TTC13: variants seen among roughly 807,000 people sequenced by gnomAD.
The protein encoded by TTC13 is tetratricopeptide repeat protein 13.
In TTC13, 62 loss-of-function variants were observed where a neutral mutation model predicts 120.0. That is an observed-to-expected ratio of 0.52 (90% confidence interval 0.42 to 0.64). The LOEUF is 0.64. TTC13 is among the 30% of genes least tolerant of loss of function. The pLI, the probability that TTC13 is intolerant of heterozygous loss-of-function variation, is 0.00. For missense variants in TTC13, 824 were observed against 1,050.2 expected, an observed-to-expected ratio of 0.78 and a Z score of 2.98; for synonymous variants, 384 against 393.5, an observed-to-expected ratio of 0.98 and a Z score of 0.28.
intron 6 of TTC13, among the ~76,000 whole-genome samples, chr1:230,941,138 C>T (rs1182219685): frequency 2.0e-5 from 3 of 152,076 alleles, no homozygotes; most frequent in African/African-American, 4.8e-5. Context: ...CTCTTTTGAG[C>T]CAGCAATCAG....
Position 230,924,962 on chromosome 1 carries a change from C to T in TTC13, c.1600G>A (p.Ala534Thr), listed in dbSNP as rs772785204. The change falls in exon 14 of 23, where the codon GCC becomes ACC. Residue 534 changes from alanine (A) to threonine (T), a missense_variant. Transcript: ENST00000366661. ...NKRIHRAMGLAALEVMQAVQR... is the reference protein window; with the variant it reads ...NKRIHRAMGLTALEVMQAVQR... ...ACGGCTTGCATGACCTCCAATGCGG[C>T]CAAACCCATAGCTACGAGAAAGGAA... is the stretch of plus-strand genomic sequence containing the variant. 7 of 1,614,008 alleles carry T rather than the reference C, an allele frequency of 4.3e-6. No homozygotes were observed. Among genetic ancestry groups the T allele is most frequent in the Non-Finnish European group, 5.1e-6 (6 of 1,180,018 alleles).
At chr1:230,934,760 C>T (rs1673885410) in intron 8 of TTC13, among the ~76,000 whole-genome samples, 2 of 152,214 alleles carry the variant, frequency 1.3e-5, no homozygotes, top group Admixed American at 1.3e-4. Flanking sequence ...GCATCATGAT[C>T]TCTAATCGCT....
At chr1:230,929,721 C>T (rs1377221675) in intron 11 of TTC13, among the ~76,000 whole-genome samples, 1 of 152,186 alleles carries the variant, frequency 6.6e-6, no homozygotes, top group East Asian at 1.9e-4. Flanking sequence ...GAGCCTGGTA[C>T]TCTGTCAACT....
intron 1 of TTC13, among the ~76,000 whole-genome samples, chr1:230,977,507 G>GT (rs1678440123): frequency 1.3e-5 from 2 of 152,128 alleles, no homozygotes. Context: ...AAACCTCTCA[G>GT]TGAGTGACAC....
intron 11 of TTC13, among the ~76,000 whole-genome samples, chr1:230,929,351 C>G (rs1409359527): frequency 1.4e-5 from 2 of 145,574 alleles, no homozygotes; most frequent in Non-Finnish European, 3.0e-5. Flanking sequence ...GAGTCTTGCT[C>G]CAGCCCAGGC....
chr1:230,957,738 A>T (rs1409136999), intron 3 of TTC13, among the ~76,000 whole-genome samples: 1 of 151,962 alleles, frequency 6.6e-6, no homozygotes, highest in Non-Finnish European at 1.5e-5. Flanking sequence ...TGAACACACC[A>T]AACTATGTGA....
At chr1:230,959,933 T>A (rs1676466529) in intron 2 of TTC13, among the ~76,000 whole-genome samples, 1 of 152,242 alleles carries the variant, frequency 6.6e-6, no homozygotes, top group African/African-American at 2.4e-5. Flanking sequence ...TCATATGATG[T>A]GTACAATCAC....
At chr1:230,931,518 T>A (rs771174902) in intron 10 of TTC13, 46 bp from the exon 11 acceptor site, 1 of 1,595,528 alleles carries the variant, frequency 6.3e-7, no homozygotes, top group Non-Finnish European at 8.6e-7. Flanking sequence ...TTAGGAAAAC[T>A]TTGAAATGCT....
At chr1:230,955,220 C>A (rs563136052) in intron 3 of TTC13, among the ~76,000 whole-genome samples, 1 of 152,268 alleles carries the variant, frequency 6.6e-6, no homozygotes, top group South Asian at 2.1e-4. Flanking sequence ...ATTCCTCACT[C>A]AACATCACTA....
chr1:230,968,194 G>A (rs1214947913), intron 1 of TTC13, among the ~76,000 whole-genome samples: 1 of 121,996 alleles, frequency 8.2e-6, no homozygotes, highest in Admixed American at 8.6e-5. Flanking sequence ...TGGGGGGGGG[G>A]CCTTTTTGTT....
chr1:230,943,683 C>G (rs147526628), intron 6 of TTC13, 123 bp downstream of exon 6: 7 of 686,306 alleles, frequency 1.0e-5, no homozygotes, highest in Non-Finnish European at 1.4e-5. Context: ...CATTAAGTAC[C>G]GACATAGAAA....
At chr1:230,946,743 G>T (rs1356612104) in intron 4 of TTC13, among the ~76,000 whole-genome samples, 1 of 151,998 alleles carries the variant, frequency 6.6e-6, no homozygotes, top group Non-Finnish European at 1.5e-5. Flanking sequence ...TTCACCACAG[G>T]GCCTACCCAT....
rs1558186084 is a variant in TTC13 at position 230,931,751 on chromosome 1, G to A, written c.1110C>T (p.Ala370=). The A allele has an allele frequency of 1.2e-6, 2 of 1,613,834 alleles. No individual in the cohort carries two copies. The highest frequency in any genetic ancestry group is 2.2e-5 in the East Asian group (1 of 44,874). The part of the protein sequence containing the change: ...MLYHHGSLQE[A]LKNFKRCLQL... ...GGATGCTCACCTTAAAGTTCTTAAG[G>A]GCTTCCTGTAAGCTGCCGTGGTGGT... Residue 370 remains alanine (A), a synonymous_variant, in exon 10 of 23, where the codon GCC becomes GCT. Coordinates refer to ENST00000366661, the MANE Select transcript of TTC13 (RefSeq NM_024525.5).
At chr1:230,921,325 C>A in intron 16 of TTC13, 96 bp downstream of exon 16, 1 of 693,550 alleles carries the variant, frequency 1.4e-6, no homozygotes, top group Non-Finnish European at 2.4e-6. Context: ...CTTGTTTAGC[C>A]CGTCAACAGG....
At chr1:230,952,689 G>C (rs1572259717) in intron 4 of TTC13, among the ~76,000 whole-genome samples, 1 of 151,928 alleles carries the variant, frequency 6.6e-6, no homozygotes, top group East Asian at 1.9e-4. Context: ...CAAAACAAAG[G>C]CATATTATAG....
chr1:230,926,645 T>C (rs1192543044), intron 12 of TTC13, among the ~76,000 whole-genome samples: 1 of 152,232 alleles, frequency 6.6e-6, no homozygotes, highest in East Asian at 1.9e-4. Context: ...AGGACAGCAG[T>C]CATAGACCTG....
chr1:230,975,349 G>A (rs1250885520), intron 1 of TTC13, among the ~76,000 whole-genome samples: 6 of 152,036 alleles, frequency 3.9e-5, no homozygotes, highest in Non-Finnish European at 8.8e-5. Flanking sequence ...ACTACCTCCT[G>A]GGCAACAGAG....
At chr1:230,968,120 C>T (rs1677308946) in intron 1 of TTC13, among the ~76,000 whole-genome samples, 1 of 150,074 alleles carries the variant, frequency 6.7e-6, no homozygotes, top group South Asian at 2.1e-4. Flanking sequence ...GTAGTCACCT[C>T]ATCAGGCTTA....
At position 230,978,859 on chromosome 1, in the gene TTC13, C is replaced by A; in HGVS notation, c.-29G>T. On this transcript the variant is annotated 5_prime_UTR_variant, in exon 1 of 23. The change creates a new upstream start codon in the 5' untranslated region. Coordinates refer to ENST00000366661, the MANE Select transcript of TTC13 (RefSeq NM_024525.5). The surrounding 1 kb of genome is among the most constrained non-coding windows in gnomAD (Gnocchi z 5.6). ...CCCTCAAGGCGCATGCGCGACAGCCCTTGCCCGGCTCTCAGGCCTCCCCGC... is the reference window on the plus strand; with the variant it reads ...CCCTCAAGGCGCATGCGCGACAGCCATTGCCCGGCTCTCAGGCCTCCCCGC... The A allele has an allele frequency of 6.9e-7, 1 of 1,442,324 alleles. No homozygotes were observed. The highest frequency in any genetic ancestry group is 1.4e-5 in the South Asian group (1 of 69,888). The allele number at this position is 1,442,324 out of a possible 1,614,324, so 89.3% of individuals were successfully genotyped here. A position where few individuals can be genotyped will look rare whatever the true frequency, so the allele number is the denominator to read the frequency against.
Sources: gnomAD v4.1 joint callset for allele counts (sites outside exome capture counted in the v4.1 genomes callset) on GRCh38, gnomAD v4.1.1 for gene constraint, Gnocchi (gnomAD v3.1) non-coding constraint, MANE v1.5 for transcripts, NCBI Gene and HGNC (gene_info 2026-07-23, HGNC 2026-07-21) for gene names.